DGAT1: variants seen among roughly 807,000 people sequenced by gnomAD.
DGAT1 encodes the protein diacylglycerol O-acyltransferase 1, also known as ACAT related gene product 1.
Under a neutral mutation model 72.6 loss-of-function variants are expected in DGAT1, and 60 were observed. The ratio of observed to expected loss-of-function variants is 0.83; its 90% CI spans 0.67 to 1.02. The LOEUF (loss-of-function observed/expected upper bound fraction) is 1.02. DGAT1 is among the 50% of genes least tolerant of loss of function. DGAT1 has a pLI of 0.00. For synonymous variants in DGAT1, 290 were observed against 267.5 expected, an observed-to-expected ratio of 1.08 and a Z score of -0.82; for missense variants, 592 against 670.0, an observed-to-expected ratio of 0.88 and a Z score of 1.29.
rs1817211527 is a variant in DGAT1 at position 144,316,169 on chromosome 8, TGCAGTGGAGCTGCTGCTCCCCG to T, written c.*363_*384del. 4.7e-6 allele frequency: 1 copy of T among 211,674 alleles called. No homozygotes were observed. Among genetic ancestry groups the T allele is most frequent in the Non-Finnish European group, 9.5e-6 (1 of 105,644 alleles). The allele number at this position is 211,674 out of a possible 1,614,324, so 13.1% of individuals were successfully genotyped here. ...CCCCTACCGGCCATGCCCGCCCTGC[TGCAGTGGAGCTGCTGCTCCCCG>T]GCAGGTCCTGGGACAGCTGTCCACA... On this transcript the variant is annotated 3_prime_UTR_variant, in exon 17 of 17. Coordinates refer to ENST00000528718, the MANE Select transcript of DGAT1 (RefSeq NM_012079.6).
chr8:144,316,479 C>T lies in DGAT1; in HGVS notation c.*75G>A, dbSNP rs1230730286. 3 of 1,487,466 alleles carry T rather than the reference C, an allele frequency of 2.0e-6. No homozygotes were observed. Among genetic ancestry groups the T allele is most frequent in the South Asian group, 1.3e-5 (1 of 76,924 alleles). 92.1% of individuals were successfully genotyped at this position (1,487,466 alleles called of 1,614,324 possible). The stretch of plus-strand genomic sequence containing the variant: ...TGCAGCCAGGCCCATCCCCAGCACT[C>T]GAGGCCTAGGAGGAGAGGTGGGCTC... On this transcript the variant is annotated 3_prime_UTR_variant, in exon 17 of 17. Transcript: ENST00000528718.
Position 144,316,943 on chromosome 8 carries a change from G to A in DGAT1, c.1249-28C>T, listed in dbSNP as rs376419190. ...GAGATGGGAGGGAGAGAGGATGCCA[G>A]GGAGTGGGGTGTCAGCCGTCCCTGC... On this transcript the variant is annotated intron_variant, in intron 15 of 16. Coordinates refer to ENST00000528718, the MANE Select transcript of DGAT1 (RefSeq NM_012079.6). 17 of 1,612,450 alleles carry A rather than the reference G, an allele frequency of 1.1e-5. No homozygotes were observed. In the African/African-American group the frequency reaches 1.5e-4, roughly 14 times the overall value.
rs1817192690 is a variant in DGAT1 at position 144,315,873 on chromosome 8, C to T, written c.*681G>A. The T allele has an allele frequency of 1.0e-6, 1 of 985,694 alleles. No homozygotes were observed. Among genetic ancestry groups the T allele is most frequent in the Non-Finnish European group, 1.2e-6 (1 of 830,140 alleles). 61.1% of individuals were successfully genotyped at this position (985,694 alleles called of 1,614,324 possible). ...GGACATAGCCATTGTGTACCGTAGC[C>T]CCTCGGCTCACCAGACCCACACCAG... On this transcript the variant is annotated 3_prime_UTR_variant, in exon 17 of 17. Transcript: ENST00000528718.
At chr8:144,320,026 G>A (rs1564632460) in intron 2 of DGAT1, among the ~76,000 whole-genome samples, 1 of 152,250 alleles carries the variant, frequency 6.6e-6, no homozygotes, top group African/African-American at 2.4e-5. Context: ...CCGCAGGGCT[G>A]ACACACAGGC....
Position 144,317,459 on chromosome 8 carries a change from G to A in DGAT1, c.982-14C>T, listed in dbSNP as rs200410331. 1.2e-6 allele frequency: 2 copies of A among 1,613,674 alleles called. No individual in the cohort carries two copies. Among genetic ancestry groups the A allele is most frequent in the Admixed American group, 1.7e-5 (1 of 60,022 alleles). ...GTGATTGGGGACCTGGCAGGGAGGT[G>A]GGGGTGGGCACCAAGTTCTAGAACC... On this transcript the variant is annotated splice_polypyrimidine_tract_variant and intron_variant, in intron 12 of 16. Transcript: ENST00000528718.
chr8:144,321,392 C>A lies in DGAT1; in HGVS notation c.217G>T (p.Asp73Tyr). The change falls in exon 2 of 17, where the codon GAT becomes TAT. Residue 73 changes from aspartate (D) to tyrosine (Y), a missense_variant. Transcript: ENST00000528718. ...CCACTGTCAGAGCTGAATAAAGAAT[C>A]CTGCAGGCGATGGCACCTGACAGAG... ...HWELRCHRLQ[D>Y]SLFSSDSGFS... is the part of the protein sequence containing the mutation. 7.4e-6 allele frequency: 12 copies of A among 1,613,904 alleles called. No homozygotes were observed. The highest frequency in any genetic ancestry group is 1.0e-5 in the Non-Finnish European group (12 of 1,179,930).
Position 144,317,703 on chromosome 8 carries a change from G to T in DGAT1, c.904C>A (p.Pro302Thr). The change falls in exon 11 of 17, where the codon CCC (proline) becomes ACC (threonine). Residue 302 changes from proline to threonine, a missense_variant. Physicochemically the swap from Pro to Thr is conservative, Grantham distance 38 (BLOSUM62 -1). Coordinates refer to ENST00000528718, the MANE Select transcript of DGAT1 (RefSeq NM_012079.6). ...GGCTTCATGGAGTTCTGGATGGTGG[G>T]GACCATCCACTGCAAAGGAGGGCAC... is the stretch of plus-strand genomic sequence containing the variant. ...QVGLIQQWMV[P>T]TIQNSMKPFK... is the part of the protein sequence containing the mutation. 1 of 1,613,638 alleles carries T rather than the reference G, an allele frequency of 6.2e-7. No individual in the cohort carries two copies. Among genetic ancestry groups the T allele is most frequent in the African/African-American group, 1.3e-5 (1 of 75,022 alleles).
At position 144,326,638 on chromosome 8, in the gene DGAT1, G is replaced by C; in HGVS notation, c.-2C>G. On this transcript the variant is annotated 5_prime_UTR_variant, in exon 1 of 17. Transcript: ENST00000528718. ...CCGGGAGCTGCCGCGGTCGCCCATGGCCTCAGCCCGCACCCGGCCGCAGCC... is the reference window on the plus strand; with the variant it reads ...CCGGGAGCTGCCGCGGTCGCCCATGCCCTCAGCCCGCACCCGGCCGCAGCC... 1 of 1,199,904 alleles carries C rather than the reference G, an allele frequency of 8.3e-7. No individual in the cohort carries two copies. The highest frequency in any genetic ancestry group is 1.0e-6 in the Non-Finnish European group (1 of 966,410). The allele number at this position is 1,199,904 out of a possible 1,614,324, so 74.3% of individuals were successfully genotyped here. A position where few individuals can be genotyped will look rare whatever the true frequency, so the allele number is the denominator to read the frequency against.
In DGAT1 at chr8:144,315,022, C is replaced by T; in HGVS notation, c.*1532G>A. On this transcript the variant is annotated 3_prime_UTR_variant, in exon 17 of 17. Transcript: ENST00000528718. ...AGGTGATGCGGGGCGGGCACACTGT[C>T]TTTCTGCCAGAGCCAGCACCCTGTG... The T allele has an allele frequency of 3.0e-6, 3 of 985,590 alleles. No homozygotes were observed. The highest frequency in any genetic ancestry group is 3.6e-6 in the Non-Finnish European group (3 of 830,088). The allele number at this position is 985,590 out of a possible 1,614,324, so 61.1% of individuals were successfully genotyped here.
At position 144,318,251 on chromosome 8, in the gene DGAT1, A is replaced by T; in HGVS notation, c.676+10T>A. On this transcript the variant is annotated intron_variant, in intron 7 of 16. Transcript: ENST00000528718. ...CCAGCAGGCAGCCCCAGCCCCTGGC[A>T]GCCCCTCACCAGCCTTGGCCCTGGC... The T allele has an allele frequency of 6.2e-7, 1 of 1,612,304 alleles. No homozygotes were observed. The highest frequency in any genetic ancestry group is 8.5e-7 in the Non-Finnish European group (1 of 1,179,612).
chr8:144,323,989 G>C (rs537033288), intron 1 of DGAT1, among the ~76,000 whole-genome samples: 1 of 152,348 alleles, frequency 6.6e-6, no homozygotes, highest in South Asian at 2.1e-4. Context: ...GAGAGAAAGG[G>C]AGAGTCAGAA....
Position 144,318,768 on chromosome 8 carries a change from C to T in DGAT1, c.416-17G>A. Reference sequence around the variant, plus strand: ...CATTGGCCGCTGTGGACAGAAGCACCAAGGGGCAGGTTTAGGGCCACGTCA... The same window carrying T: ...CATTGGCCGCTGTGGACAGAAGCACTAAGGGGCAGGTTTAGGGCCACGTCA... On this transcript the variant is annotated splice_polypyrimidine_tract_variant and intron_variant, in intron 4 of 16. Coordinates refer to ENST00000528718, the MANE Select transcript of DGAT1 (RefSeq NM_012079.6). 1 of 1,606,976 alleles carries T rather than the reference C, an allele frequency of 6.2e-7. No individual in the cohort carries two copies. The highest frequency in any genetic ancestry group is 8.5e-7 in the Non-Finnish European group (1 of 1,177,040).
At position 144,314,782 on chromosome 8, in the gene DGAT1, G is replaced by A. The variant is rs557825225; in HGVS notation, c.*1772C>T. ...GCGGTGGGTGGTGCTGCAATGAGGAGGGGCCCAGGGCACAGAAGGGCCGGG... is the reference window on the plus strand; with the variant it reads ...GCGGTGGGTGGTGCTGCAATGAGGAAGGGCCCAGGGCACAGAAGGGCCGGG... On this transcript the variant is annotated 3_prime_UTR_variant, in exon 17 of 17. Transcript: ENST00000528718. 30 of 422,722 alleles carry A rather than the reference G, an allele frequency of 7.1e-5. No individual in the cohort carries two copies. Among genetic ancestry groups the A allele is most frequent in the African/African-American group, 6.4e-4 (30 of 46,882 alleles). The allele number at this position is 422,722 out of a possible 1,614,324, so 26.2% of individuals were successfully genotyped here. A position where few individuals can be genotyped will look rare whatever the true frequency, so the allele number is the denominator to read the frequency against.
Position 144,318,519 on chromosome 8 carries a change from C to T in DGAT1, c.516G>A (p.Leu172=), listed in dbSNP as rs377452060. The T allele has an allele frequency of 1.2e-6, 2 of 1,611,908 alleles. No homozygotes were observed. The highest frequency in any genetic ancestry group is 2.2e-5 in the East Asian group (1 of 44,878). ...CCGCTGGGAAACACAGAATGGTGGC[C>T]AGGTTGGCCACGTGCAGCAGCAGTC... ...QAGLLLHVAN[L]ATILCFPAAV... Residue 172 remains leucine, a synonymous_variant, in exon 6 of 17, where the codon CTG becomes CTA. Coordinates refer to ENST00000528718, the MANE Select transcript of DGAT1 (RefSeq NM_012079.6).
chr8:144,318,439 G>A, intron 6 of DGAT1, 22 bp downstream of exon 6: 1 of 1,609,750 alleles, frequency 6.2e-7, no homozygotes, highest in Non-Finnish European at 8.5e-7. Flanking sequence ...AGACAGATGG[G>A]CAGGGTGGGA....
chr8:144,316,034 T>C lies in DGAT1; in HGVS notation c.*520A>G. On this transcript the variant is annotated 3_prime_UTR_variant, in exon 17 of 17. Coordinates refer to ENST00000528718, the MANE Select transcript of DGAT1 (RefSeq NM_012079.6). ...GACCATCCTGCACTGAGGGCCAGAG[T>C]GCCGATTCCCGCACACCCAGCAGGA... 4.3e-6 allele frequency: 3 copies of C among 693,010 alleles called. No homozygotes were observed. The highest frequency in any genetic ancestry group is 5.3e-6 in the Non-Finnish European group (3 of 561,234). 42.9% of individuals were successfully genotyped at this position (693,010 alleles called of 1,614,324 possible). A position where few individuals can be genotyped will look rare whatever the true frequency, so the allele number is the denominator to read the frequency against.
At chr8:144,319,178 A>G in intron 2 of DGAT1, 110 bp from the exon 3 acceptor site, 1 of 1,340,498 alleles carries the variant, frequency 7.5e-7, no homozygotes, top group Non-Finnish European at 1.0e-6. Flanking sequence ...TCAGGGCGGC[A>G]GCCTCAGGCT....
chr8:144,318,387 T>C (rs781979024), intron 6 of DGAT1, 25 bp from the exon 7 acceptor site: 1 of 1,608,306 alleles, frequency 6.2e-7, no homozygotes. Flanking sequence ...GACTCAGGCC[T>C]CCACAGCGCC....
chr8:144,321,402 A>G lies in DGAT1; in HGVS notation c.207T>C (p.His69=), dbSNP rs1343531861. ...AGCTGAATAAAGAATCCTGCAGGCG[A>G]TGGCACCTGACAGAGCACAACACAA... ...VGSGHWELRC[H]RLQDSLFSSD... The change falls in exon 2 of 17, where the codon CAT becomes CAC. Residue 69 remains histidine (H), a synonymous_variant. Transcript: ENST00000528718. 1 of 1,613,658 alleles carries G rather than the reference A, an allele frequency of 6.2e-7. No homozygotes were observed. The highest frequency in any genetic ancestry group is 8.5e-7 in the Non-Finnish European group (1 of 1,179,886).
Sources: gnomAD v4.1 joint callset for allele counts (sites outside exome capture counted in the v4.1 genomes callset) on GRCh38, gnomAD v4.1.1 for gene constraint, MANE v1.5 for transcripts, NCBI Gene and HGNC (gene_info 2026-07-23, HGNC 2026-07-21) for gene names.